The following LRRC4C variants were observed in gnomAD, a reference collection of about 807,000 sequenced individuals.
The protein encoded by LRRC4C is leucine-rich repeat-containing protein 4C.
A neutral mutation model predicts 33.6 loss-of-function variants in LRRC4C; 5 were observed. That is an observed-to-expected ratio of 0.15 (90% confidence interval 0.08 to 0.31). The LOEUF is 0.31. Ranked by LOEUF, LRRC4C falls within the 10% of genes least tolerant of loss-of-function variation. The pLI, the probability that LRRC4C is intolerant of heterozygous loss-of-function variation, is 1.00. For missense variants in LRRC4C, 560 were observed against 796.7 expected (o/e 0.70, Z 3.58); for synonymous variants, 329 against 302.0 (o/e 1.09, Z -0.93).
intron 3 of LRRC4C, among the ~76,000 whole-genome samples, chr11:40,572,432 G>A (rs1220610688): frequency 1.3e-5 from 2 of 152,144 alleles, no homozygotes; most frequent in African/African-American, 2.4e-5. Context: ...AGAGCTCATC[G>A]ATGAGTACAT....
intron 1 of LRRC4C, among the ~76,000 whole-genome samples, chr11:41,360,564 C>T (rs1406776615): frequency 6.6e-6 from 1 of 151,966 alleles, no homozygotes; most frequent in East Asian, 1.9e-4. Context: ...ATGAAGGAGG[C>T]TATAAAAGAG....
chr11:40,223,710 AC>A (rs746885356), intron 5 of LRRC4C, among the ~76,000 whole-genome samples: 3 of 152,238 alleles, frequency 2.0e-5, no homozygotes, highest in Non-Finnish European at 4.4e-5. Context: ...CAGACAAAAT[AC>A]CAATAAAAGG....
chr11:41,450,703 T>C (rs971239660), intron 1 of LRRC4C, among the ~76,000 whole-genome samples: 2 of 152,114 alleles, frequency 1.3e-5, no homozygotes, highest in Non-Finnish European at 2.9e-5. Flanking sequence ...AGCTATTGTG[T>C]CAATTTTGTG....
intron 2 of LRRC4C, among the ~76,000 whole-genome samples, chr11:40,856,174 G>A (rs1953772603): frequency 6.6e-6 from 1 of 152,100 alleles, no homozygotes. Context: ...TGGTTTAAAA[G>A]GAGCTTCATA....
chr11:41,454,643 T>C (rs1256123580), intron 1 of LRRC4C, among the ~76,000 whole-genome samples: 4 of 152,126 alleles, frequency 2.6e-5, no homozygotes, highest in Middle Eastern at 3.2e-3. Flanking sequence ...ATTTTGAAAG[T>C]TCTGAGTATA....
intron 1 of LRRC4C, among the ~76,000 whole-genome samples, chr11:41,071,591 T>G (rs905483559): frequency 6.6e-6 from 1 of 152,170 alleles, no homozygotes; most frequent in Non-Finnish European, 1.5e-5. Context: ...AAAATGATTC[T>G]GGTTACCCAA....
At chr11:41,051,543 A>AAAAAAAAAAAAAAAAAAAAG (rs1858219454) in intron 1 of LRRC4C, among the ~76,000 whole-genome samples, 1 of 108,132 alleles carries the variant, frequency 9.2e-6, no homozygotes, top group Non-Finnish European at 2.0e-5. Context: ...AAAAAAAAAA[A>AAAAAAAAAAAAAAAAAAAAG]AAAAAAAAAA....
rs117459031 is a variant in LRRC4C, at chr11:40,140,689, A to G, written c.-43+112T>C. On this transcript the variant is annotated intron_variant, in intron 6 of 6. Transcript: ENST00000528697. ...CCCACAAATTGCTCGTGCTAGCAAA[A>G]CCAGTCATTGCCGTTATCAGGTTTG... The G allele has an allele frequency of 9.9e-3, 1,505 of 152,574 alleles. 9 individuals are homozygous for G. Among genetic ancestry groups the G allele is most frequent in the Non-Finnish European group, 0.015 (1,039 of 67,994 alleles). 9.5% of individuals were successfully genotyped at this position (152,574 alleles called of 1,614,324 possible).
At chr11:41,002,002 T>G (rs957752972) in intron 1 of LRRC4C, among the ~76,000 whole-genome samples, 1 of 151,986 alleles carries the variant, frequency 6.6e-6, no homozygotes. Flanking sequence ...ATTTAGGGAG[T>G]TTTTTTCCTC....
rs145699047 is a variant in LRRC4C, at chr11:40,501,115, C to T, written c.-270+147027G>A. 2.0e-4 allele frequency among the ~76,000 whole-genome samples: 25 copies of T among 127,422 alleles called. 1 individual carries two copies. In the East Asian group the frequency reaches 5.6e-3, roughly 28 times the overall value. 83.6% of individuals were successfully genotyped at this position (127,422 alleles called of 152,430 possible). A position where few individuals can be genotyped will look rare whatever the true frequency, so the allele number is the denominator to read the frequency against. On this transcript the variant is annotated intron_variant, in intron 3 of 6. Transcript: ENST00000528697. ...AATGATCTCCTTTGATTTCATGTCT[C>T]GAATCCAGGTCACACTGGTGCAAGG...
At chr11:40,384,273 T>C (rs571888089) in intron 3 of LRRC4C, among the ~76,000 whole-genome samples, 2 of 152,264 alleles carry the variant, frequency 1.3e-5, no homozygotes, top group East Asian at 3.9e-4. Flanking sequence ...CAGGAAACTT[T>C]AAGATTAAAA....
chr11:41,384,409 GAAT>G (rs1435557334), intron 1 of LRRC4C, among the ~76,000 whole-genome samples: 1 of 151,734 alleles, frequency 6.6e-6, no homozygotes, highest in African/African-American at 2.4e-5. Flanking sequence ...TACAACAGTA[GAAT>G]ATAAAGCCAT....
chr11:40,713,645 G>A (rs567327314), intron 2 of LRRC4C, among the ~76,000 whole-genome samples: 1 of 152,170 alleles, frequency 6.6e-6, no homozygotes, highest in African/African-American at 2.4e-5. Context: ...CTATAATAGA[G>A]TATTTTAAAA....
At chr11:40,467,798 G>C (rs1204072488) in intron 3 of LRRC4C, among the ~76,000 whole-genome samples, 1 of 152,174 alleles carries the variant, frequency 6.6e-6, no homozygotes, top group African/African-American at 2.4e-5. Context: ...ACAGAGGCAA[G>C]AGAAAAGCTA....
At chr11:40,987,709 T>C (rs1853171165) in intron 1 of LRRC4C, among the ~76,000 whole-genome samples, 1 of 145,126 alleles carries the variant, frequency 6.9e-6, no homozygotes, top group East Asian at 2.0e-4. Context: ...ATATGAGATA[T>C]ATATGATATA....
rs113995920 is a variant in LRRC4C at position 40,997,192 on chromosome 11, G to A, written c.-495-63469C>T. Reference sequence around the variant, plus strand: ...GGAAGTTGAACAAATCAATAAATAAGAGAGTATATACTGTGAGAAGAAAAA... The same window carrying A: ...GGAAGTTGAACAAATCAATAAATAAAAGAGTATATACTGTGAGAAGAAAAA... On this transcript the variant is annotated intron_variant, in intron 1 of 6. Transcript: ENST00000528697. 2.2e-3 allele frequency among the ~76,000 whole-genome samples: 337 copies of A among 152,138 alleles called. 1 individual carries two copies. Among genetic ancestry groups the A allele is most frequent in the African/African-American group, 7.9e-3 (328 of 41,516 alleles).
At chr11:40,992,407 A>G (rs1829209794) in intron 1 of LRRC4C, among the ~76,000 whole-genome samples, 1 of 150,852 alleles carries the variant, frequency 6.6e-6, no homozygotes, top group African/African-American at 2.4e-5. Flanking sequence ...ATTGACTGAT[A>G]TAAAAACAAA....
intron 3 of LRRC4C, among the ~76,000 whole-genome samples, chr11:40,502,512 A>G (rs1035564501): frequency 5.9e-5 from 9 of 152,200 alleles, no homozygotes; most frequent in African/African-American, 2.2e-4. Flanking sequence ...GCAAGAGAGA[A>G]TGAGGCAGAA....
At chr11:40,299,443 A>T (rs1378378364) in intron 4 of LRRC4C, among the ~76,000 whole-genome samples, 1 of 152,238 alleles carries the variant, frequency 6.6e-6, no homozygotes, top group Non-Finnish European at 1.5e-5. Context: ...TAGCTTGTGA[A>T]AAAGGAAAGT....
Sources: allele counts gnomAD v4.1 joint callset (sites outside exome capture counted in the v4.1 genomes callset), GRCh38; gene constraint gnomAD v4.1.1; transcripts MANE v1.5; gene names NCBI Gene and HGNC (gene_info 2026-07-23, HGNC 2026-07-21).